RNF217: variants seen among roughly 807,000 people sequenced by gnomAD.
RNF217 encodes E3 ubiquitin-protein ligase RNF217.
A neutral mutation model predicts 57.8 loss-of-function variants in RNF217; 31 were observed. The ratio of observed to expected loss-of-function variants is 0.54; its 90% CI spans 0.40 to 0.72. The LOEUF (loss-of-function observed/expected upper bound fraction) is 0.72. Among genes scored for constraint, RNF217 ranks in the 30% least tolerant of loss-of-function variants. RNF217 has a pLI of 0.00. For synonymous variants in RNF217, 313 were observed against 294.0 expected (o/e 1.06, Z -0.66); for missense variants, 696 against 708.3 (o/e 0.98, Z 0.20).
In RNF217 at chr6:124,970,053, A is replaced by G. The variant is rs1340471633; in HGVS notation, c.882+6627A>G. On this transcript the variant is annotated intron_variant, in intron 1 of 5. Coordinates refer to ENST00000521654, the MANE Select transcript of RNF217 (RefSeq NM_001286398.3). ...GATCTGTGAGGCTGAAGCATAGAGA[A>G]TGAAGTGGGTAGTGCTAAAAAGAAG... Among the ~76,000 whole-genome samples, 3 of 152,296 alleles carry G rather than the reference A, an allele frequency of 2.0e-5. No individual in the cohort carries two copies. In the East Asian group the frequency reaches 5.8e-4, roughly 29 times the overall value.
At chr6:125,068,966 G>A (rs1788038083) in intron 3 of RNF217, among the ~76,000 whole-genome samples, 1 of 151,984 alleles carries the variant, frequency 6.6e-6, no homozygotes, top group African/African-American at 2.4e-5. Flanking sequence ...GCTGAAGGAG[G>A]GGAAAACTGG....
At chr6:125,057,893 C>T in intron 2 of RNF217, 49 bp from the exon 3 acceptor site, 1 of 1,461,028 alleles carries the variant, frequency 6.8e-7, no homozygotes, top group African/African-American at 1.4e-5. Context: ...TCCTTTTAGA[C>T]ACTTTCAGTA....
intron 1 of RNF217, among the ~76,000 whole-genome samples, chr6:124,984,862 A>G (rs1387947354): frequency 6.6e-6 from 1 of 152,176 alleles, no homozygotes; most frequent in Non-Finnish European, 1.5e-5. Context: ...GGAAAATGAT[A>G]CTATAAACTG....
chr6:125,040,119 T>A (rs554975), intron 1 of RNF217, among the ~76,000 whole-genome samples: 5,869 of 151,754 alleles, frequency 0.039, 157 homozygotes, highest in South Asian at 0.083. Flanking sequence ...GATAGAGACA[T>A]GAAAAAACCT....
chr6:125,054,659 T>G (rs1439275763), intron 2 of RNF217, among the ~76,000 whole-genome samples: 2 of 152,182 alleles, frequency 1.3e-5, no homozygotes, highest in Non-Finnish European at 2.9e-5. Flanking sequence ...TGGATACATG[T>G]TTTTGGCTTA....
intron 1 of RNF217, among the ~76,000 whole-genome samples, chr6:124,981,309 G>C (rs778761225): frequency 3.3e-5 from 5 of 152,128 alleles, no homozygotes; most frequent in Non-Finnish European, 5.9e-5. Context: ...AGTTAATTTA[G>C]AAAGTTTATT....
At chr6:125,050,522 T>C (rs1220431945) in intron 2 of RNF217, among the ~76,000 whole-genome samples, 1 of 151,990 alleles carries the variant, frequency 6.6e-6, no homozygotes, top group Non-Finnish European at 1.5e-5. Context: ...CACAAATATT[T>C]TCTCATGTGG....
At chr6:125,066,306 T>C (rs1787934721) in intron 3 of RNF217, among the ~76,000 whole-genome samples, 1 of 152,188 alleles carries the variant, frequency 6.6e-6, no homozygotes, top group African/African-American at 2.4e-5. Flanking sequence ...GTGGTTCCTA[T>C]CTGACACAGA....
At chr6:124,970,753 A>G (rs1783731268) in intron 1 of RNF217, among the ~76,000 whole-genome samples, 1 of 152,236 alleles carries the variant, frequency 6.6e-6, no homozygotes, top group Non-Finnish European at 1.5e-5. Flanking sequence ...GTTCACAAAT[A>G]TGGAGTCTGG....
In RNF217 at chr6:125,031,719, A is replaced by G. The variant is rs113973870; in HGVS notation, c.883-13492A>G. Among the ~76,000 whole-genome samples, 792 of 152,294 alleles carry G rather than the reference A, an allele frequency of 5.2e-3. 13 individuals carry two copies. The highest frequency in any genetic ancestry group is 0.018 in the African/African-American group (766 of 41,546). On this transcript the variant is annotated intron_variant, in intron 1 of 5. Coordinates refer to ENST00000521654, the MANE Select transcript of RNF217 (RefSeq NM_001286398.3). Reference sequence around the variant, plus strand: ...AAAGCCATTCAGCTAGTCTCTAGGAAGTTCCAAACTTTCCCACATTTTCCT... The same window carrying G: ...AAAGCCATTCAGCTAGTCTCTAGGAGGTTCCAAACTTTCCCACATTTTCCT...
intron 3 of RNF217, among the ~76,000 whole-genome samples, chr6:125,070,485 C>T (rs1788093085): frequency 6.6e-6 from 1 of 152,192 alleles, no homozygotes; most frequent in East Asian, 1.9e-4. Context: ...GTTTTCTTTT[C>T]ACCACATTCA....
At chr6:125,037,446 A>G (rs567145372) in intron 1 of RNF217, among the ~76,000 whole-genome samples, 47 of 152,220 alleles carry the variant, frequency 3.1e-4, no homozygotes, top group Admixed American at 3.1e-3. Context: ...ATGTACTTAA[A>G]TGTTTTCTTT....
chr6:124,971,613 G>C (rs1009750290), intron 1 of RNF217: 6 of 182,854 alleles, frequency 3.3e-5, no homozygotes, highest in Non-Finnish European at 5.9e-5. Context: ...GTGCCACCAT[G>C]CTCAGCTAAT....
chr6:125,078,401 G>T (rs367902852), intron 4 of RNF217, among the ~76,000 whole-genome samples: 1 of 152,166 alleles, frequency 6.6e-6, no homozygotes, highest in South Asian at 2.1e-4. Context: ...GTGTGTTTCC[G>T]TCCATTCTTT....
intron 1 of RNF217, among the ~76,000 whole-genome samples, chr6:125,014,616 A>T (rs925378746): frequency 5.3e-5 from 8 of 152,108 alleles, no homozygotes; most frequent in Non-Finnish European, 1.2e-4. Flanking sequence ...TTAGCCAATT[A>T]TGGTCAGAAG....
At chr6:125,004,152 A>G (rs573945057) in intron 1 of RNF217, among the ~76,000 whole-genome samples, 2 of 152,304 alleles carry the variant, frequency 1.3e-5, no homozygotes, top group South Asian at 2.1e-4. Flanking sequence ...TATTAGACAA[A>G]TGTTAAATTA....
Position 124,970,479 on chromosome 6 carries a change from G to A in RNF217, c.882+7053G>A, listed in dbSNP as rs192951759. Among the ~76,000 whole-genome samples the A allele has an allele frequency of 4.9e-4, 75 of 152,306 alleles. 1 individual carries two copies. In the Middle Eastern group the frequency reaches 0.014, roughly 28 times the overall value. On this transcript the variant is annotated intron_variant, in intron 1 of 5. Transcript: ENST00000521654. ...AAGCAATTAGAAAACTGGGGTTGCC[G>A]TTTAATAAGATGAGGAATAGTGTAG...
intron 3 of RNF217, among the ~76,000 whole-genome samples, chr6:125,058,403 A>G (rs777645494): frequency 2.0e-5 from 3 of 152,198 alleles, no homozygotes; most frequent in Non-Finnish European, 2.9e-5. Context: ...TAGGAAAAAT[A>G]TAGCGTAAAA....
rs1223805559 is a variant in RNF217, at chr6:125,088,522, T to C, written c.*5585T>C. ...CTCATTGCTTCTTTGGAGCATTAGC[T>C]GAAGCTTTACCATATCACATACCTT... On this transcript the variant is annotated 3_prime_UTR_variant, in exon 6 of 6. Transcript: ENST00000521654. The C allele has an allele frequency of 6.6e-6, 1 of 152,184 alleles. No homozygotes were observed. The highest frequency in any genetic ancestry group is 1.5e-5 in the Non-Finnish European group (1 of 68,028). 9.4% of individuals were successfully genotyped at this position (152,184 alleles called of 1,614,324 possible). A position where few individuals can be genotyped will look rare whatever the true frequency, so the allele number is the denominator to read the frequency against.
Sources: gnomAD v4.1 joint callset for allele counts (sites outside exome capture counted in the v4.1 genomes callset) on GRCh38, gnomAD v4.1.1 for gene constraint, MANE v1.5 for transcripts, NCBI Gene and HGNC (gene_info 2026-07-23, HGNC 2026-07-21) for gene names.